Variants in AAK1 observed in about 807,000 individuals in gnomAD.
The protein encoded by AAK1 is AP2 associated kinase 1.
AAK1 carries 37 observed loss-of-function variants against 116.0 expected under a neutral mutation model. The observed-to-expected ratio is 0.32, with a 90% CI of 0.25 to 0.42. AAK1 has a LOEUF of 0.42. Ranked by LOEUF, AAK1 falls within the 10% of genes least tolerant of loss-of-function variation. The pLI, the probability that AAK1 is intolerant of heterozygous loss-of-function variation, is 1.00. For synonymous variants in AAK1, 458 were observed against 439.9 expected (o/e 1.04, Z -0.51); for missense variants, 919 against 1,170.6 (o/e 0.79, Z 3.14).
intron 2 of AAK1, among the ~76,000 whole-genome samples, chr2:69,563,551 A>G (rs1454389099): frequency 1.3e-5 from 2 of 152,204 alleles, no homozygotes; most frequent in East Asian, 3.9e-4. Flanking sequence ...CATAAGTCCT[A>G]TATACACTTT....
chr2:69,470,586 A>T lies in AAK1; in HGVS notation c.*5283T>A. 1.0e-5 allele frequency: 10 copies of T among 985,442 alleles called. No individual in the cohort carries two copies. The South Asian group carries it at 4.7e-4, about 46-fold the overall frequency. The allele number at this position is 985,442 out of a possible 1,614,324, so 61.0% of individuals were successfully genotyped here. On this transcript the variant is annotated 3_prime_UTR_variant, in exon 22 of 22. Coordinates refer to ENST00000409085, the MANE Select transcript of AAK1 (RefSeq NM_014911.5). ...TGGGGATAAAATTATTCTTGCCAAC[A>T]CAAAATGTTTAATTAAGTTGGCCTG...
intron 2 of AAK1, among the ~76,000 whole-genome samples, chr2:69,627,425 A>G (rs1674957459): frequency 6.6e-6 from 1 of 152,294 alleles, no homozygotes; most frequent in South Asian, 2.1e-4. Context: ...TTGGTTCCTT[A>G]CACTGGGCGG....
intron 5 of AAK1, among the ~76,000 whole-genome samples, chr2:69,540,608 TGTTGGTAAAGATGTGGAGAAAC>T (rs1295798243): frequency 6.6e-6 from 1 of 152,160 alleles, no homozygotes; most frequent in Non-Finnish European, 1.5e-5. Context: ...CAATAACAAG[TGTTGGTAAAGATGTGGAGAAAC>T]TGGAACCTTC....
intron 5 of AAK1, among the ~76,000 whole-genome samples, chr2:69,537,514 CTT>C (rs1456196316): frequency 6.6e-6 from 1 of 152,216 alleles, no homozygotes; most frequent in African/African-American, 2.4e-5. Flanking sequence ...ATCCTATTAA[CTT>C]TTATTCACAG....
chr2:69,561,674 C>T (rs1453321303), intron 2 of AAK1, among the ~76,000 whole-genome samples: 2 of 152,150 alleles, frequency 1.3e-5, no homozygotes, highest in Admixed American at 6.5e-5. Context: ...TGTATATACC[C>T]GCACGAGTGG....
chr2:69,539,899 T>C (rs1037440581), intron 5 of AAK1, among the ~76,000 whole-genome samples: 5 of 152,310 alleles, frequency 3.3e-5, no homozygotes, highest in Admixed American at 1.3e-4. Context: ...ATTAAACCCC[T>C]TGATTATCTT....
intron 2 of AAK1, among the ~76,000 whole-genome samples, chr2:69,594,362 T>G (rs1412919052): frequency 1.3e-5 from 2 of 152,216 alleles, no homozygotes; most frequent in African/African-American, 4.8e-5. Context: ...TCCACATCAT[T>G]CTTTGCACTC....
rs114642339 is a variant in AAK1 at position 69,474,320 on chromosome 2, C to T, written c.*1549G>A. Reference sequence around the variant, plus strand: ...TTTCCCTTTTGATGATGGACAATGGCACTAGAGGAAAAGAACAGGAGTGGG... The same window carrying T: ...TTTCCCTTTTGATGATGGACAATGGTACTAGAGGAAAAGAACAGGAGTGGG... On this transcript the variant is annotated 3_prime_UTR_variant, in exon 22 of 22. Coordinates refer to ENST00000409085, the MANE Select transcript of AAK1 (RefSeq NM_014911.5). 2.8e-3 allele frequency: 2,797 copies of T among 985,722 alleles called. 68 individuals carry two copies. The African/African-American group carries it at 0.046, about 16-fold the overall frequency. The allele number at this position is 985,722 out of a possible 1,614,324, so 61.1% of individuals were successfully genotyped here.
intron 2 of AAK1, among the ~76,000 whole-genome samples, chr2:69,630,341 G>T (rs1413084742): frequency 1.7e-5 from 1 of 60,174 alleles, no homozygotes; most frequent in Non-Finnish European, 3.8e-5. Flanking sequence ...GGCGGGGGGT[G>T]GGGGGGGAGG....
chr2:69,574,161 G>A (rs1326162948), intron 2 of AAK1, among the ~76,000 whole-genome samples: 1 of 151,626 alleles, frequency 6.6e-6, no homozygotes, highest in Non-Finnish European at 1.5e-5. Flanking sequence ...GAGGTCAGGA[G>A]TAGGAGTTGG....
chr2:69,532,952 T>C (rs950433248), intron 5 of AAK1, among the ~76,000 whole-genome samples: 4 of 152,120 alleles, frequency 2.6e-5, no homozygotes, highest in African/African-American at 9.7e-5. Context: ...AAATGACAAC[T>C]CCAAAATAGT....
In AAK1 at chr2:69,468,451, G is replaced by A. The variant is rs764262250; in HGVS notation, c.*7418C>T. ...TATCAGTTGGACAAAGTTTTCAGTT[G>A]CCAAAACAAAAGCACAATTTCTCAT... On this transcript the variant is annotated 3_prime_UTR_variant, in exon 22 of 22. Transcript: ENST00000409085. 2.7e-5 allele frequency: 27 copies of A among 985,260 alleles called. No individual in the cohort carries two copies. The highest frequency in any genetic ancestry group is 2.9e-5 in the Non-Finnish European group (24 of 829,934). 61.0% of individuals were successfully genotyped at this position (985,260 alleles called of 1,614,324 possible).
At chr2:69,624,134 G>C (rs1674792112) in intron 2 of AAK1, among the ~76,000 whole-genome samples, 1 of 152,200 alleles carries the variant, frequency 6.6e-6, no homozygotes, top group Non-Finnish European at 1.5e-5. Context: ...CAAGATGGAA[G>C]TATATACAGG....
intron 3 of AAK1, among the ~76,000 whole-genome samples, chr2:69,546,111 C>T (rs1190685116): frequency 2.0e-5 from 3 of 146,912 alleles, no homozygotes; most frequent in Admixed American, 1.3e-4. Flanking sequence ...TTTTTTTTTC[C>T]CCCTGGCAAG....
intron 2 of AAK1, among the ~76,000 whole-genome samples, chr2:69,585,625 G>A (rs1672732083): frequency 6.6e-6 from 1 of 152,158 alleles, no homozygotes; most frequent in African/African-American, 2.4e-5. Context: ...CATCGTTAAA[G>A]GCAGCCTTGA....
chr2:69,530,794 A>G (rs1355450545), intron 6 of AAK1, 88 bp from the exon 7 acceptor site: 5 of 980,164 alleles, frequency 5.1e-6, no homozygotes, highest in African/African-American at 1.6e-5. Context: ...TTCTTTTTAC[A>G]TTAACAGAAT....
At chr2:69,591,523 C>CT (rs557305954) in intron 2 of AAK1, among the ~76,000 whole-genome samples, 30,827 of 129,902 alleles carry the variant, frequency 0.24, 4,565 homozygotes, top group East Asian at 0.5. Context: ...TTTTCTTTTT[C>CT]TTTTTTTTTT....
chr2:69,590,595 G>A (rs778458875), intron 2 of AAK1, among the ~76,000 whole-genome samples: 3 of 152,196 alleles, frequency 2.0e-5, no homozygotes, highest in Non-Finnish European at 2.9e-5. Context: ...AACTGGCAAC[G>A]CTAAGATTCT....
chr2:69,488,976 T>C (rs1039697397), intron 17 of AAK1, among the ~76,000 whole-genome samples: 2 of 151,446 alleles, frequency 1.3e-5, no homozygotes, highest in Middle Eastern at 3.2e-3. Flanking sequence ...TAACTGGAAC[T>C]ACAGATGCAT....
Sources: allele counts gnomAD v4.1 joint callset (sites outside exome capture counted in the v4.1 genomes callset), GRCh38; gene constraint gnomAD v4.1.1; transcripts MANE v1.5; gene names NCBI Gene and HGNC (gene_info 2026-07-23, HGNC 2026-07-21).